Variants in RAD51B observed in about 807,000 individuals in gnomAD.
RAD51B encodes DNA repair protein RAD51 homolog 2.
Under a neutral mutation model 42.2 loss-of-function variants are expected in RAD51B, and 38 were observed. That is an observed-to-expected ratio of 0.90 (90% CI 0.70 to 1.18). RAD51B has a LOEUF of 1.18. Among genes scored for constraint, RAD51B ranks in the 50% most tolerant of loss-of-function variants. The pLI is 0.00. For missense variants in RAD51B, 373 were observed against 400.7 expected (o/e 0.93, Z 0.59); for synonymous variants, 154 against 145.2 (o/e 1.06, Z -0.43).
intron 10 of RAD51B, among the ~76,000 whole-genome samples, chr14:68,546,965 T>A (rs1016471130): frequency 2.6e-5 from 4 of 152,234 alleles, no homozygotes; most frequent in African/African-American, 9.6e-5. Flanking sequence ...TAGCACACCC[T>A]GAGGGTGAGG....
intron 7 of RAD51B, among the ~76,000 whole-genome samples, chr14:68,266,871 T>C (rs2081002105): frequency 6.6e-6 from 1 of 152,234 alleles, no homozygotes; most frequent in Admixed American, 6.5e-5. Context: ...CTTTGTAAAG[T>C]GCTGTAAAAA....
At chr14:67,832,515 G>A (rs1441377668) in intron 3 of RAD51B, among the ~76,000 whole-genome samples, 1 of 151,936 alleles carries the variant, frequency 6.6e-6, no homozygotes, top group Non-Finnish European at 1.5e-5. Flanking sequence ...TAGGAAAAAA[G>A]CAGCAACAGT....
chr14:68,478,040 C>T lies in RAD51B; in HGVS notation c.*376C>T, dbSNP rs566298805. ...CTGGGGAGAGGAGGAGGATGACTAA[C>T]AAGATTTGTAATTACAGGAGGGAAC... is the stretch of plus-strand genomic sequence containing the variant. On this transcript the variant is annotated 3_prime_UTR_variant, in exon 11 of 11. Transcript: ENST00000471583. The T allele has an allele frequency of 6.1e-5, 66 of 1,081,660 alleles. No individual in the cohort carries two copies. The South Asian group carries it at 2.6e-3, about 43-fold the overall frequency. The allele number at this position is 1,081,660 out of a possible 1,614,324, so 67.0% of individuals were successfully genotyped here.
At chr14:68,032,854 G>A (rs1235513478) in intron 7 of RAD51B, among the ~76,000 whole-genome samples, 1 of 151,934 alleles carries the variant, frequency 6.6e-6, no homozygotes, top group African/African-American at 2.4e-5. Context: ...CTATTACCCT[G>A]TGCATGCCCT....
chr14:68,571,203 T>G (rs1298583894), intron 10 of RAD51B, among the ~76,000 whole-genome samples: 1 of 152,218 alleles, frequency 6.6e-6, no homozygotes, highest in African/African-American at 2.4e-5. Context: ...CATGCTGCAG[T>G]GCTGGGTACA....
In RAD51B at chr14:68,397,054, C is replaced by T. The variant is rs557749372; in HGVS notation, c.854-14370C>T. Among the ~76,000 whole-genome samples the T allele has an allele frequency of 6.4e-4, 98 of 152,336 alleles. 1 individual carries two copies. The highest frequency in any genetic ancestry group is 2.4e-4 in the Non-Finnish European group (16 of 68,032). ...GAAAATTGGTATGATAATGGTACCT[C>T]CCTCACAGAGATAATGTATGTAAGG... On this transcript the variant is annotated intron_variant, in intron 8 of 10. Coordinates refer to ENST00000471583, the MANE Select transcript of RAD51B (RefSeq NM_133510.4).
At chr14:68,175,363 C>T (rs1185196523) in intron 7 of RAD51B, among the ~76,000 whole-genome samples, 1 of 152,162 alleles carries the variant, frequency 6.6e-6, no homozygotes, top group Non-Finnish European at 1.5e-5. Flanking sequence ...TTCATACTGA[C>T]CATTTCCATT....
intron 7 of RAD51B, among the ~76,000 whole-genome samples, chr14:68,155,298 T>C (rs1017121964): frequency 6.6e-6 from 1 of 151,838 alleles, no homozygotes; most frequent in Non-Finnish European, 1.5e-5. Flanking sequence ...TTCACGCCAT[T>C]CTCCTGCCTC....
At chr14:68,053,909 T>C (rs897700219) in intron 7 of RAD51B, among the ~76,000 whole-genome samples, 1 of 152,218 alleles carries the variant, frequency 6.6e-6, no homozygotes, top group Non-Finnish European at 1.5e-5. Context: ...CTGATGTATA[T>C]GTGTGGTAGG....
At chr14:68,473,562 G>T (rs2140245222) in intron 10 of RAD51B, among the ~76,000 whole-genome samples, 1 of 151,722 alleles carries the variant, frequency 6.6e-6, no homozygotes, top group South Asian at 2.1e-4. Flanking sequence ...CTGGCAATCA[G>T]CCTTGAAGAG....
chr14:68,311,892 C>T (rs926202700), intron 8 of RAD51B, among the ~76,000 whole-genome samples: 4 of 152,030 alleles, frequency 2.6e-5, no homozygotes, highest in Non-Finnish European at 1.5e-5. Context: ...GACTCCCTCT[C>T]AAAAATAAAT....
At chr14:68,057,366 A>G (rs1014210257) in intron 7 of RAD51B, among the ~76,000 whole-genome samples, 3 of 152,158 alleles carry the variant, frequency 2.0e-5, no homozygotes, top group Non-Finnish European at 4.4e-5. Flanking sequence ...GTATTAATGT[A>G]TAATGTAAAC....
intron 8 of RAD51B, among the ~76,000 whole-genome samples, chr14:68,308,819 A>G (rs375867565): frequency 6.6e-6 from 1 of 151,886 alleles, no homozygotes; most frequent in African/African-American, 2.4e-5. Context: ...AGTCATCCTC[A>G]GCCTGAACAA....
intron 8 of RAD51B, among the ~76,000 whole-genome samples, chr14:68,349,912 A>G (rs1334315726): frequency 6.6e-6 from 1 of 152,240 alleles, no homozygotes; most frequent in Non-Finnish European, 1.5e-5. Flanking sequence ...AGAAAACTAT[A>G]AAATTACACA....
At chr14:68,422,012 C>T in intron 9 of RAD51B, 1 of 1,529,542 alleles carries the variant, frequency 6.5e-7, no homozygotes, top group Non-Finnish European at 9.1e-7. Flanking sequence ...ACCACCCTGA[C>T]ACATAAACCC....
chr14:68,451,493 C>A (rs898634309), intron 9 of RAD51B, among the ~76,000 whole-genome samples: 2 of 152,168 alleles, frequency 1.3e-5, no homozygotes, highest in Non-Finnish European at 2.9e-5. Context: ...TCTAGCTCTC[C>A]TCCATCTTAC....
intron 8 of RAD51B, among the ~76,000 whole-genome samples, chr14:68,306,470 T>TGA (rs1247732446): frequency 1.3e-5 from 2 of 152,230 alleles, no homozygotes; most frequent in Non-Finnish European, 2.9e-5. Flanking sequence ...GCAGGTCAGC[T>TGA]GAGACAAGCA....
At chr14:67,940,953 C>T (rs1220867821) in intron 7 of RAD51B, among the ~76,000 whole-genome samples, 2 of 152,158 alleles carry the variant, frequency 1.3e-5, no homozygotes, top group African/African-American at 4.8e-5. Context: ...CATATGCTTG[C>T]CCAGGCCTGG....
downstream of RAD51B, among the ~76,000 whole-genome samples, chr14:68,614,869 C>T (rs1891793474): frequency 6.6e-6 from 1 of 152,192 alleles, no homozygotes; most frequent in Non-Finnish European, 1.5e-5. Flanking sequence ...CTCTTGGGTA[C>T]ATACCTAGGA....
Sources: allele counts gnomAD v4.1 joint callset (sites outside exome capture counted in the v4.1 genomes callset), GRCh38; gene constraint gnomAD v4.1.1; transcripts MANE v1.5; gene names NCBI Gene and HGNC (gene_info 2026-07-23, HGNC 2026-07-21).